Variants in RICTOR observed in about 807,000 individuals in gnomAD.
The protein encoded by RICTOR is rapamycin-insensitive companion of mTOR.
In RICTOR, 49 loss-of-function variants were observed where a neutral mutation model predicts 214.9. The observed-to-expected ratio is 0.23, with a 90% confidence interval of 0.18 to 0.29. The LOEUF (loss-of-function observed/expected upper bound fraction) is 0.29. Among genes scored for constraint, RICTOR ranks in the 10% least tolerant of loss-of-function variants. The pLI, the probability that RICTOR is intolerant of heterozygous loss-of-function variation, is 1.00. For synonymous variants in RICTOR, 717 were observed against 711.3 expected, an observed-to-expected ratio of 1.01 and a Z score of -0.13; for missense variants, 1,625 against 2,047.0, an observed-to-expected ratio of 0.79 and a Z score of 3.98.
chr5:38,960,041 A>G (rs1359171765), intron 20 of RICTOR, 63 bp from the exon 21 acceptor site: 1 of 1,156,962 alleles, frequency 8.6e-7, no homozygotes, highest in African/African-American at 1.5e-5. Context: ...TAGAAAATCA[A>G]CTTCAATCAA....
chr5:38,995,549 C>T (rs1404766415), intron 6 of RICTOR, among the ~76,000 whole-genome samples: 1 of 151,174 alleles, frequency 6.6e-6, no homozygotes, highest in Non-Finnish European at 1.5e-5. Flanking sequence ...ACCTGTACCC[C>T]AAAAATTATT....
intron 2 of RICTOR, among the ~76,000 whole-genome samples, chr5:39,034,184 T>C (rs1224372206): frequency 6.6e-6 from 1 of 152,260 alleles, no homozygotes; most frequent in Non-Finnish European, 1.5e-5. Context: ...ATGTCTTTAA[T>C]TGGTTTATTG....
Position 39,051,881 on chromosome 5 carries a change from A to G in RICTOR, c.97+22230T>C, listed in dbSNP as rs531171639. Reference sequence around the variant, plus strand: ...AATTTTCTAAAATAGCTTAAAATTAATACATAGTCACCTACTTATGATGGT... The same window carrying G: ...AATTTTCTAAAATAGCTTAAAATTAGTACATAGTCACCTACTTATGATGGT... On this transcript the variant is annotated intron_variant, in intron 2 of 37. Transcript: ENST00000357387. 3.3e-5 allele frequency among the ~76,000 whole-genome samples: 5 copies of G among 152,354 alleles called. No individual in the cohort carries two copies. The South Asian group carries it at 1.0e-3, about 32-fold the overall frequency.
At chr5:39,040,120 T>C (rs1169073110) in intron 2 of RICTOR, among the ~76,000 whole-genome samples, 2 of 152,020 alleles carry the variant, frequency 1.3e-5, no homozygotes, top group Non-Finnish European at 2.9e-5. Context: ...ATATATACCA[T>C]GGAATACTAT....
At chr5:38,975,094 A>C (rs1214919091) in intron 10 of RICTOR, among the ~76,000 whole-genome samples, 3 of 152,200 alleles carry the variant, frequency 2.0e-5, no homozygotes, top group African/African-American at 4.8e-5. Flanking sequence ...ATTCCATGGA[A>C]AGATAAAACA....
At chr5:38,961,087 T>C (rs1394338738) in intron 19 of RICTOR, among the ~76,000 whole-genome samples, 1 of 151,788 alleles carries the variant, frequency 6.6e-6, no homozygotes, top group Non-Finnish European at 1.5e-5. Context: ...GAGAATGGAC[T>C]AATACAGTAC....
At chr5:39,013,205 T>C (rs1456615022) in intron 3 of RICTOR, among the ~76,000 whole-genome samples, 6 of 152,206 alleles carry the variant, frequency 3.9e-5, no homozygotes, top group Non-Finnish European at 2.9e-5. Context: ...AAACTTTCAG[T>C]ATCTTAAGTC....
chr5:39,034,757 G>A (rs1046801669), intron 2 of RICTOR, among the ~76,000 whole-genome samples: 4 of 151,924 alleles, frequency 2.6e-5, no homozygotes, highest in South Asian at 2.1e-4. Flanking sequence ...AGGCAGCAGC[G>A]AGGCTGGGGG....
At chr5:38,990,707 A>ATATGATATATC (rs1281321409) in intron 7 of RICTOR, among the ~76,000 whole-genome samples, 9 of 90,702 alleles carry the variant, frequency 9.9e-5, no homozygotes, top group African/African-American at 3.4e-4. Context: ...TATATCAGAT[A>ATATGATATATC]TGATATATAT....
chr5:38,994,419 TAAAAAAAAAAAAAAAAAA>T (rs869254811), intron 6 of RICTOR, among the ~76,000 whole-genome samples: 1 of 57,144 alleles, frequency 1.7e-5, no homozygotes, highest in Non-Finnish European at 3.1e-5. Flanking sequence ...AAGGTTTTAC[TAAAAAAAAAAAAAAAAAA>T]AAAAAAAAAA....
intron 11 of RICTOR, chr5:38,970,818 A>G (rs2150039936): frequency 6.6e-6 from 1 of 152,348 alleles, no homozygotes; most frequent in South Asian, 2.1e-4. Context: ...TTCCATTTTA[A>G]TCAAAACCAC....
chr5:39,063,619 T>C (rs1195824989), intron 2 of RICTOR, among the ~76,000 whole-genome samples: 1 of 152,168 alleles, frequency 6.6e-6, no homozygotes, highest in Admixed American at 6.6e-5. Flanking sequence ...CAAAGATAAT[T>C]GGCATATGCT....
chr5:39,059,746 G>A (rs1049679815), intron 2 of RICTOR, among the ~76,000 whole-genome samples: 1 of 151,728 alleles, frequency 6.6e-6, no homozygotes, highest in Non-Finnish European at 1.5e-5. Context: ...TTTTTTTCCA[G>A]CTCACATCAA....
In RICTOR at chr5:38,950,183, G is replaced by A. The variant is rs2112852338; in HGVS notation, c.3665C>T (p.Thr1222Ile). The A allele has an allele frequency of 6.2e-7, 1 of 1,613,460 alleles. No individual in the cohort carries two copies. Among genetic ancestry groups the A allele is most frequent in the Non-Finnish European group, 8.5e-7 (1 of 1,179,596 alleles). Residue 1222 changes from threonine (T) to isoleucine (I), a missense_variant, in exon 31 of 38, where the codon ACA becomes ATA. By Grantham distance (89) the Thr-to-Ile change is moderately conservative (BLOSUM62 -1). Coordinates refer to ENST00000357387, the MANE Select transcript of RICTOR (RefSeq NM_152756.5). ...HMKIRSQSFN[T>I]DTTTSGISSM... Reference sequence around the variant, plus strand: ...ACTTATGCCACTTGTTGTAGTGTCTGTATTGAAACTTTGGCTACGTATCTT... The same window carrying A: ...ACTTATGCCACTTGTTGTAGTGTCTATATTGAAACTTTGGCTACGTATCTT...
At chr5:39,048,594 G>C (rs565472997) in intron 2 of RICTOR, among the ~76,000 whole-genome samples, 1 of 152,292 alleles carries the variant, frequency 6.6e-6, no homozygotes, top group South Asian at 2.1e-4. Flanking sequence ...CATGTCCTGT[G>C]TGACTCTGCT....
Position 38,942,286 on chromosome 5 carries a change from T to A in RICTOR, c.*18A>T. ...TGAATATATATAGTATGTATCTATA[T>A]CCATCATAAATATGAGGTCAGGATT... is the stretch of plus-strand genomic sequence containing the variant. On this transcript the variant is annotated 3_prime_UTR_variant, in exon 38 of 38. Transcript: ENST00000357387. 1 of 1,476,186 alleles carries A rather than the reference T, an allele frequency of 6.8e-7. No individual in the cohort carries two copies. Among genetic ancestry groups the A allele is most frequent in the Non-Finnish European group, 9.4e-7 (1 of 1,061,318 alleles). 91.4% of individuals were successfully genotyped at this position (1,476,186 alleles called of 1,614,324 possible). A position where few individuals can be genotyped will look rare whatever the true frequency, so the allele number is the denominator to read the frequency against.
chr5:39,004,634 A>G (rs1753885808), intron 3 of RICTOR, among the ~76,000 whole-genome samples: 1 of 148,578 alleles, frequency 6.7e-6, no homozygotes, highest in South Asian at 2.1e-4. Context: ...TAATTTTTGT[A>G]TTTTTAGTAC....
At chr5:39,056,915 A>T (rs1248712655) in intron 2 of RICTOR, among the ~76,000 whole-genome samples, 2 of 152,196 alleles carry the variant, frequency 1.3e-5, no homozygotes, top group African/African-American at 4.8e-5. Flanking sequence ...TTAGGAAATG[A>T]GAATGGTAGT....
rs928779721 is a variant in RICTOR at position 38,967,247 on chromosome 5, A to C, written c.1152-20T>G. On this transcript the variant is annotated intron_variant, in intron 13 of 37. Coordinates refer to ENST00000357387, the MANE Select transcript of RICTOR (RefSeq NM_152756.5). ...TCTGGCCTGGAAAAAACAGCACAGA[A>C]ACAATTTAAATAAAGTTTCATAGAT... 1 of 1,608,924 alleles carries C rather than the reference A, an allele frequency of 6.2e-7. No individual in the cohort carries two copies. Among genetic ancestry groups the C allele is most frequent in the Non-Finnish European group, 8.5e-7 (1 of 1,175,476 alleles).
Sources: allele counts gnomAD v4.1 joint callset (sites outside exome capture counted in the v4.1 genomes callset), GRCh38; gene constraint gnomAD v4.1.1; transcripts MANE v1.5; gene names NCBI Gene and HGNC (gene_info 2026-07-23, HGNC 2026-07-21).